Variants in SLC4A4 observed in about 807,000 individuals in gnomAD.
The protein encoded by SLC4A4 is solute carrier family 4 member 4, also known as electrogenic sodium bicarbonate cotransporter 1.
In SLC4A4, 27 loss-of-function variants were observed where a neutral mutation model predicts 111.5. That is an observed-to-expected ratio of 0.24 (90% confidence interval 0.18 to 0.33). SLC4A4 has a LOEUF of 0.33. Among genes scored for constraint, SLC4A4 ranks in the 10% least tolerant of loss-of-function variants. SLC4A4 has a pLI of 1.00. For missense variants in SLC4A4, 909 were observed against 1,315.5 expected (o/e 0.69, Z 4.78); for synonymous variants, 443 against 463.4 (o/e 0.96, Z 0.57).
At chr4:71,385,038 T>C (rs952041598) in intron 6 of SLC4A4, among the ~76,000 whole-genome samples, 2 of 151,186 alleles carry the variant, frequency 1.3e-5, no homozygotes, top group Non-Finnish European at 3.0e-5. Context: ...TAATAAAAAA[T>C]TTAAAAAGTA....
At chr4:71,138,831 T>C (rs1006641157) in intron 2 of SLC4A4, among the ~76,000 whole-genome samples, 48 of 151,800 alleles carry the variant, frequency 3.2e-4, no homozygotes, top group African/African-American at 1.1e-3. Flanking sequence ...GGTCAGGAGA[T>C]TGAGACCATT....
intron 15 of SLC4A4, among the ~76,000 whole-genome samples, chr4:71,497,135 G>A (rs1730485667): frequency 6.6e-6 from 1 of 152,044 alleles, no homozygotes; most frequent in African/African-American, 2.4e-5. Flanking sequence ...TTTGAAAAAG[G>A]GAACCGTTTT....
intron 1 of SLC4A4, among the ~76,000 whole-genome samples, chr4:71,200,567 T>C (rs1240702424): frequency 6.6e-6 from 1 of 152,210 alleles, no homozygotes; most frequent in African/African-American, 2.4e-5. Context: ...GACACAGCTA[T>C]GACACCCTCT....
chr4:71,435,684 A>G (rs1724067196), intron 7 of SLC4A4, among the ~76,000 whole-genome samples: 1 of 152,244 alleles, frequency 6.6e-6, no homozygotes, highest in African/African-American at 2.4e-5. Context: ...AATATCCAGA[A>G]TCTACAAAGA....
chr4:71,343,960 T>G lies in SLC4A4; in HGVS notation c.389+4455T>G, dbSNP rs1578879879. Among the ~76,000 whole-genome samples, 4 of 152,262 alleles carry G rather than the reference T, an allele frequency of 2.6e-5. 1 individual carries two copies. Among genetic ancestry groups the G allele is most frequent in the Admixed American group, 2.6e-4 (4 of 15,286 alleles). On this transcript the variant is annotated intron_variant, in intron 4 of 25. Coordinates refer to ENST00000264485, the MANE Select transcript of SLC4A4 (RefSeq NM_001098484.3). ...TGCGTGGCCCATGTCCTCATCTCCT[T>G]CAGGTCTTTATTCAAATATTACCTG...
intron 3 of SLC4A4, among the ~76,000 whole-genome samples, chr4:71,302,269 A>T (rs1209395418): frequency 1.3e-5 from 2 of 152,180 alleles, no homozygotes; most frequent in African/African-American, 4.8e-5. Context: ...ATGATTTTTT[A>T]AAAATCTTGA....
At chr4:71,493,928 T>A (rs1038667374) in intron 15 of SLC4A4, among the ~76,000 whole-genome samples, 2 of 152,072 alleles carry the variant, frequency 1.3e-5, no homozygotes, top group Non-Finnish European at 2.9e-5. Context: ...ATTTCTCAGC[T>A]CATTGTACTT....
intron 8 of SLC4A4, among the ~76,000 whole-genome samples, chr4:71,443,134 A>C (rs1310837956): frequency 2.5e-4 from 33 of 132,934 alleles, no homozygotes; most frequent in East Asian, 6.4e-4. Flanking sequence ...ATATATATAT[A>C]TATATATATA....
chr4:71,478,374 A>G (rs180949891), intron 14 of SLC4A4, among the ~76,000 whole-genome samples: 3 of 152,112 alleles, frequency 2.0e-5, no homozygotes, highest in African/African-American at 7.2e-5. Flanking sequence ...CCCATCAATG[A>G]TAGACTGGGT....
At chr4:71,449,926 T>C (rs1164004450) in intron 9 of SLC4A4, among the ~76,000 whole-genome samples, 1 of 152,210 alleles carries the variant, frequency 6.6e-6, no homozygotes, top group African/African-American at 2.4e-5. Context: ...TCTCACATTG[T>C]GTGTTTGAGA....
chr4:71,564,324 T>C (rs967270958), intron 24 of SLC4A4, among the ~76,000 whole-genome samples: 1 of 151,850 alleles, frequency 6.6e-6, no homozygotes, highest in Admixed American at 6.6e-5. Context: ...AAATCAATTG[T>C]TAATATTGAG....
At chr4:71,171,002 T>C (rs1016451115) in intron 2 of SLC4A4, among the ~76,000 whole-genome samples, 1 of 152,110 alleles carries the variant, frequency 6.6e-6, no homozygotes, top group Non-Finnish European at 1.5e-5. Flanking sequence ...AAATCTAGGC[T>C]GAGTGGAGAA....
rs140284511 is a variant in SLC4A4, at chr4:71,221,550, G to A, written c.-1-15026G>A. On this transcript the variant is annotated intron_variant, in intron 1 of 25. Transcript: ENST00000264485. ...TAAGGTATCAATTTGAATCGTGGGT[G>A]TTAAAAAAAAACACCAACAATAAGC... Among the ~76,000 whole-genome samples, 215 of 152,054 alleles carry A rather than the reference G, an allele frequency of 1.4e-3. 1 individual carries two copies. The highest frequency in any genetic ancestry group is 4.1e-3 in the Admixed American group (63 of 15,282).
At chr4:71,410,540 C>G (rs1721278551) in intron 7 of SLC4A4, among the ~76,000 whole-genome samples, 1 of 152,164 alleles carries the variant, frequency 6.6e-6, no homozygotes, top group South Asian at 2.1e-4. Flanking sequence ...CCCATTGTAT[C>G]TAGGAAGTAA....
intron 7 of SLC4A4, chr4:71,434,530 G>T (rs1332457373): frequency 6.3e-6 from 1 of 157,768 alleles, no homozygotes. Flanking sequence ...AGGATACAAG[G>T]AATGCTAAGG....
intron 1 of SLC4A4, among the ~76,000 whole-genome samples, chr4:71,192,045 A>G (rs890983778): frequency 2.6e-5 from 4 of 152,338 alleles, no homozygotes; most frequent in African/African-American, 9.6e-5. Flanking sequence ...TCTATGGGTG[A>G]CACAACTAGA....
At chr4:71,342,288 C>T (rs1728961727) in intron 4 of SLC4A4, among the ~76,000 whole-genome samples, 1 of 152,186 alleles carries the variant, frequency 6.6e-6, no homozygotes, top group African/African-American at 2.4e-5. Context: ...CAAAAGAAGG[C>T]TTCCAAAGCA....
chr4:71,167,796 A>G (rs1578544505), intron 2 of SLC4A4, among the ~76,000 whole-genome samples: 1 of 152,286 alleles, frequency 6.6e-6, no homozygotes, highest in East Asian at 1.9e-4. Context: ...AACAAAATGT[A>G]GGAGTCACCT....
chr4:71,490,079 C>G (rs1383268566), intron 15 of SLC4A4, among the ~76,000 whole-genome samples: 1 of 151,784 alleles, frequency 6.6e-6, no homozygotes, highest in East Asian at 1.9e-4. Flanking sequence ...CTCACTTTCT[C>G]CAATTTTTCT....
Sources: allele counts gnomAD v4.1 joint callset (sites outside exome capture counted in the v4.1 genomes callset), GRCh38; gene constraint gnomAD v4.1.1; transcripts MANE v1.5; gene names NCBI Gene and HGNC (gene_info 2026-07-23, HGNC 2026-07-21).